Variants in PCDHA5 observed in about 807,000 individuals in gnomAD.
PCDHA5 encodes the protein protocadherin alpha 5, also known as protocadherin alpha-5.
PCDHA5 carries 43 observed loss-of-function variants against 61.6 expected under a neutral mutation model. That is an observed-to-expected ratio of 0.70 (90% CI 0.55 to 0.90). PCDHA5 has a LOEUF of 0.90. Among genes scored for constraint, PCDHA5 ranks in the 40% least tolerant of loss-of-function variants. The pLI, the probability that PCDHA5 is intolerant of heterozygous loss-of-function variation, is 0.00. For synonymous variants in PCDHA5, 627 were observed against 543.9 expected, an observed-to-expected ratio of 1.15 and a Z score of -2.13; for missense variants, 1,298 against 1,222.7, an observed-to-expected ratio of 1.06 and a Z score of -0.92.
chr5:140,841,492 G>A (rs2150316650), intron 1 of PCDHA5: 4 of 1,613,200 alleles, frequency 2.5e-6, no homozygotes, highest in Middle Eastern at 1.8e-4. Context: ...TGGAGCTGGC[G>A]GAGCTGGTGC....
At chr5:140,907,287 G>C (rs1179027055) in intron 1 of PCDHA5, among the ~76,000 whole-genome samples, 1 of 152,178 alleles carries the variant, frequency 6.6e-6, no homozygotes, top group Non-Finnish European at 1.5e-5. Flanking sequence ...TATCAATCCA[G>C]CTGCTTCAGG....
chr5:140,982,998 GAAAGAA>G (rs1469608645), intron 3 of PCDHA5, among the ~76,000 whole-genome samples: 10 of 151,726 alleles, frequency 6.6e-5, no homozygotes, highest in Admixed American at 5.2e-4. Context: ...AAGAAGGAAA[GAAAGAA>G]AAAGGAAGGA....
At chr5:140,911,437 G>A (rs530362672) in intron 1 of PCDHA5, among the ~76,000 whole-genome samples, 3 of 152,166 alleles carry the variant, frequency 2.0e-5, no homozygotes, top group East Asian at 3.9e-4. Context: ...CCAATTTCCC[G>A]CAATTTCAGC....
rs2150499479 is a variant in PCDHA5 at position 140,850,817 on chromosome 5, G to C, written c.2352+26690G>C. ...AGACCGACCTCATGGCCTTCAGCCC[G>C]GGCCTTTCTCCTTGTGCTGGATCTA... On this transcript the variant is annotated intron_variant, in intron 1 of 3. Transcript: ENST00000529859. 44 of 1,598,178 alleles carry C rather than the reference G, an allele frequency of 2.8e-5. 6 individuals carry two copies. The highest frequency in any genetic ancestry group is 1.7e-4 in the South Asian group (15 of 90,550).
intron 1 of PCDHA5, chr5:140,882,750 A>G (rs781948584): frequency 1.9e-5 from 30 of 1,614,128 alleles, no homozygotes; most frequent in Non-Finnish European, 2.4e-5. Context: ...TCCGATGCAG[A>G]TATTGGAGTA....
At chr5:140,877,443 C>A (rs376417721) in intron 1 of PCDHA5, 2 of 1,613,726 alleles carry the variant, frequency 1.2e-6, no homozygotes, top group African/African-American at 2.7e-5. Flanking sequence ...ACGGTGAGCC[C>A]GCGCTGACGT....
Position 140,821,968 on chromosome 5 carries a change from G to C in PCDHA5, c.193G>C (p.Val65Leu), listed in dbSNP as rs1341114422. The C allele has an allele frequency of 1.5e-5, 25 of 1,614,068 alleles. No individual in the cohort carries two copies. The highest frequency in any genetic ancestry group is 2.0e-5 in the Non-Finnish European group (24 of 1,180,052). The change falls in exon 1 of 4, where the codon GTG becomes CTG. Residue 65 changes from valine (V) to leucine (L), a missense_variant. Val to Leu is a conservative substitution (Grantham distance 32). Coordinates refer to ENST00000529859, the MANE Select transcript of PCDHA5 (RefSeq NM_018908.3). The part of the protein sequence containing the change: ...LAELVPRLFR[V>L]ASKGRGDLLE... ...GGAGCTGGTGCCGCGCCTGTTCCGGGTGGCGTCCAAGGGCCGCGGGGACCT... is the reference window on the plus strand; with the variant it reads ...GGAGCTGGTGCCGCGCCTGTTCCGGCTGGCGTCCAAGGGCCGCGGGGACCT...
At chr5:140,877,864 A>ATATT in intron 1 of PCDHA5, 1 of 1,500,280 alleles carries the variant, frequency 6.7e-7, no homozygotes, top group East Asian at 2.4e-5. Flanking sequence ...TTATTTAGAT[A>ATATT]TATTTGTTTC....
intron 1 of PCDHA5, chr5:140,848,313 C>A: frequency 2.7e-6 from 2 of 730,622 alleles, no homozygotes; most frequent in Non-Finnish European, 4.5e-6. Flanking sequence ...CACTCTTTGC[C>A]GCGATGTTCT....
chr5:140,914,957 T>C (rs1355119889), intron 1 of PCDHA5, among the ~76,000 whole-genome samples: 1 of 150,770 alleles, frequency 6.6e-6, no homozygotes, highest in Non-Finnish European at 1.5e-5. Flanking sequence ...TTTTTTTTTT[T>C]TTTTTCTGAG....
intron 1 of PCDHA5, among the ~76,000 whole-genome samples, chr5:140,855,699 C>A (rs901621120): frequency 6.7e-6 from 1 of 149,362 alleles, no homozygotes; most frequent in Non-Finnish European, 1.5e-5. Context: ...AAACATTGCA[C>A]GTGGGATCAA....
chr5:140,857,920 G>T (rs2045011675), intron 1 of PCDHA5: 2 of 1,597,702 alleles, frequency 1.3e-6, no homozygotes, highest in East Asian at 2.2e-5. Context: ...TTCGCGTGGG[G>T]CTGTACACGG....
rs1200776013 is a variant in PCDHA5, at chr5:140,836,933, T to G, written c.2352+12806T>G. On this transcript the variant is annotated intron_variant, in intron 1 of 3. Transcript: ENST00000529859. ...ACTTTTGTTTTGGGATGCGTAATAC[T>G]ATAGATCAAAATCTATGGTTTATGT... is the stretch of plus-strand genomic sequence containing the variant. 4 of 481,968 alleles carry G rather than the reference T, an allele frequency of 8.3e-6. 1 individual carries two copies. The highest frequency in any genetic ancestry group is 1.4e-5 in the Non-Finnish European group (4 of 282,424). The allele number at this position is 481,968 out of a possible 1,614,324, so 29.9% of individuals were successfully genotyped here. A position where few individuals can be genotyped will look rare whatever the true frequency, so the allele number is the denominator to read the frequency against.
intron 2 of PCDHA5, chr5:140,982,271 G>A: frequency 1.1e-6 from 1 of 930,566 alleles, no homozygotes; most frequent in South Asian, 1.9e-5. Flanking sequence ...TCCTGGAATA[G>A]TATAGCAGGC....
intron 1 of PCDHA5, chr5:140,858,226 C>G (rs782380359): frequency 1.3e-6 from 2 of 1,595,414 alleles, no homozygotes; most frequent in Admixed American, 1.7e-5. Context: ...CGGCGCCCAC[C>G]GAGGGCGCAT....
At chr5:140,957,269 T>TC (rs2095346885) in intron 1 of PCDHA5, among the ~76,000 whole-genome samples, 1 of 152,070 alleles carries the variant, frequency 6.6e-6, no homozygotes, top group African/African-American at 2.4e-5. Context: ...TAAGCACTAG[T>TC]CCCCCCTTAC....
At chr5:141,002,312 C>T (rs1171531371) in intron 3 of PCDHA5, among the ~76,000 whole-genome samples, 1 of 152,230 alleles carries the variant, frequency 6.6e-6, no homozygotes, top group East Asian at 1.9e-4. Flanking sequence ...GGGGCCGAAA[C>T]CTGGAGGCCG....
rs942533344 is a variant in PCDHA5, at chr5:140,870,223, T to A, written c.2352+46096T>A. The A allele has an allele frequency of 3.4e-5, 55 of 1,614,052 alleles. No homozygotes were observed. The highest frequency in any genetic ancestry group is 4.5e-5 in the Non-Finnish European group (53 of 1,180,044). On this transcript the variant is annotated intron_variant, in intron 1 of 3. Coordinates refer to ENST00000529859, the MANE Select transcript of PCDHA5 (RefSeq NM_018908.3). ...CACGGTCATTGCCCTGATCAGCGTG[T>A]CTGACCGTGACTCAGGTGTCAACGG...
In PCDHA5 at chr5:141,010,039, T is replaced by G. The variant is rs2098415843; in HGVS notation, c.*102T>G. ...TCCTTTTTCCTATCTACATGAGCCCTCTTAGAGACCTCAGAAATCTGCAGA... is the reference window on the plus strand; with the variant it reads ...TCCTTTTTCCTATCTACATGAGCCCGCTTAGAGACCTCAGAAATCTGCAGA... On this transcript the variant is annotated 3_prime_UTR_variant, in exon 4 of 4. Coordinates refer to ENST00000529859, the MANE Select transcript of PCDHA5 (RefSeq NM_018908.3). The G allele has an allele frequency of 1.4e-5, 23 of 1,593,158 alleles. No homozygotes were observed. Among genetic ancestry groups the G allele is most frequent in the Non-Finnish European group, 1.8e-5 (21 of 1,170,616 alleles).
Sources: allele counts gnomAD v4.1 joint callset (sites outside exome capture counted in the v4.1 genomes callset), GRCh38; gene constraint gnomAD v4.1.1; transcripts MANE v1.5; gene names NCBI Gene and HGNC (gene_info 2026-07-23, HGNC 2026-07-21).